DGKG: variants seen among roughly 807,000 people sequenced by gnomAD.
DGKG encodes the protein diacylglycerol kinase gamma, also known as DAG kinase gamma.
In DGKG, 78 loss-of-function variants were observed where a neutral mutation model predicts 105.3. That is an observed-to-expected ratio of 0.74 (90% CI 0.62 to 0.89). DGKG has a LOEUF of 0.89. DGKG is among the 40% of genes least tolerant of loss of function. The pLI, the probability that DGKG is intolerant of heterozygous loss-of-function variation, is 0.00. For missense variants in DGKG, 958 were observed against 1,020.1 expected (o/e 0.94, Z 0.83); for synonymous variants, 346 against 367.1 (o/e 0.94, Z 0.66).
chr3:186,197,783 C>A (rs1295259267), intron 21 of DGKG, among the ~76,000 whole-genome samples: 2 of 152,158 alleles, frequency 1.3e-5, no homozygotes, highest in African/African-American at 2.4e-5. Context: ...GGACTACTTA[C>A]ATTGTTTTCT....
intron 22 of DGKG, among the ~76,000 whole-genome samples, chr3:186,179,840 C>T (rs539497878): frequency 6.6e-6 from 1 of 152,328 alleles, no homozygotes; most frequent in South Asian, 2.1e-4. Context: ...AGCTCCAGTA[C>T]AGGTGGATGC....
In DGKG at chr3:186,149,573, G is replaced by A. The variant is rs1189872093; in HGVS notation, c.*517C>T. On this transcript the variant is annotated 3_prime_UTR_variant, in exon 25 of 25. Coordinates refer to ENST00000265022, the MANE Select transcript of DGKG (RefSeq NM_001346.3). ...CAAGAAACCAACGTGCGCCTGCTGA[G>A]CCCTGCCAAGGATTATGCTCTGAGA... is the stretch of plus-strand genomic sequence containing the variant. 2 of 985,552 alleles carry A rather than the reference G, an allele frequency of 2.0e-6. No homozygotes were observed. The highest frequency in any genetic ancestry group is 3.5e-5 in the African/African-American group (2 of 57,262). The allele number at this position is 985,552 out of a possible 1,614,324, so 61.1% of individuals were successfully genotyped here. A position where few individuals can be genotyped will look rare whatever the true frequency, so the allele number is the denominator to read the frequency against.
chr3:186,158,409 C>T, intron 24 of DGKG: 1 of 983,312 alleles, frequency 1.0e-6, no homozygotes, highest in South Asian at 4.7e-5. Context: ...TTGATCTCCT[C>T]ATAAATCTCT....
chr3:186,327,879 C>A (rs1205923318), intron 1 of DGKG, among the ~76,000 whole-genome samples: 1 of 152,130 alleles, frequency 6.6e-6, no homozygotes, highest in Admixed American at 6.5e-5. Flanking sequence ...CCTTCAGAAG[C>A]CTCCCTTGGC....
At chr3:186,176,983 G>A (rs1717113630) in intron 22 of DGKG, among the ~76,000 whole-genome samples, 1 of 152,176 alleles carries the variant, frequency 6.6e-6, no homozygotes. Context: ...CCTGCTGGGT[G>A]GTTTTTGGGG....
chr3:186,313,021 G>A (rs1220530364), intron 2 of DGKG, among the ~76,000 whole-genome samples: 2 of 152,214 alleles, frequency 1.3e-5, no homozygotes, highest in South Asian at 2.1e-4. Context: ...AATAAATGAA[G>A]GCTAGCAAAG....
At chr3:186,186,185 G>A (rs1578637336) in intron 22 of DGKG, among the ~76,000 whole-genome samples, 1 of 151,504 alleles carries the variant, frequency 6.6e-6, no homozygotes, top group South Asian at 2.1e-4. Context: ...CTGATGACCT[G>A]GCCTGGAATA....
intron 3 of DGKG, among the ~76,000 whole-genome samples, chr3:186,304,624 A>T (rs1375099310): frequency 6.6e-6 from 1 of 152,236 alleles, no homozygotes; most frequent in Non-Finnish European, 1.5e-5. Context: ...TTGAGTTAAA[A>T]ACATTCTGGG....
intron 19 of DGKG, among the ~76,000 whole-genome samples, chr3:186,244,956 G>A (rs1323463663): frequency 2.0e-5 from 3 of 151,944 alleles, no homozygotes; most frequent in Non-Finnish European, 4.4e-5. Flanking sequence ...TCTAAAATTC[G>A]AGAAAATATT....
At chr3:186,162,536 G>C (rs534815931) in intron 23 of DGKG, among the ~76,000 whole-genome samples, 2 of 152,142 alleles carry the variant, frequency 1.3e-5, no homozygotes, top group Non-Finnish European at 2.9e-5. Context: ...CCTCAGTCCT[G>C]GTTTTTGTTT....
At chr3:186,267,298 C>T (rs921355480) in intron 13 of DGKG, among the ~76,000 whole-genome samples, 1 of 152,108 alleles carries the variant, frequency 6.6e-6, no homozygotes, top group Non-Finnish European at 1.5e-5. Flanking sequence ...TCAGGGTACT[C>T]GGGGTGGTCA....
At chr3:186,314,923 A>G (rs1724743092) in intron 2 of DGKG, among the ~76,000 whole-genome samples, 1 of 152,056 alleles carries the variant, frequency 6.6e-6, no homozygotes, top group Non-Finnish European at 1.5e-5. Context: ...TTGAGGCATC[A>G]TGGAACTTTT....
chr3:186,295,743 A>G (rs1560139077), intron 5 of DGKG, among the ~76,000 whole-genome samples: 2 of 150,838 alleles, frequency 1.3e-5, no homozygotes, highest in Non-Finnish European at 3.0e-5. Context: ...TTTCATGGGA[A>G]GAGGATGCCC....
chr3:186,299,919 C>T (rs1322865112), intron 3 of DGKG, among the ~76,000 whole-genome samples: 1 of 151,398 alleles, frequency 6.6e-6, no homozygotes, highest in Non-Finnish European at 1.5e-5. Context: ...ACTGCAACAT[C>T]TACCTCCTTA....
chr3:186,217,847 A>G (rs759741315), intron 20 of DGKG, among the ~76,000 whole-genome samples: 2 of 152,314 alleles, frequency 1.3e-5, no homozygotes, highest in Non-Finnish European at 2.9e-5. Context: ...ACATGAAAAC[A>G]TTTATTTGGG....
chr3:186,174,936 G>A (rs1301259278), intron 22 of DGKG, among the ~76,000 whole-genome samples: 1 of 152,200 alleles, frequency 6.6e-6, no homozygotes, highest in African/African-American at 2.4e-5. Flanking sequence ...TGGCCTTTGA[G>A]TCTGGATAAT....
chr3:186,255,654 C>T (rs763372600), intron 17 of DGKG, among the ~76,000 whole-genome samples: 4 of 152,218 alleles, frequency 2.6e-5, no homozygotes, highest in Admixed American at 6.5e-5. Flanking sequence ...TGCGCAGCAG[C>T]TGGACCACCC....
intron 24 of DGKG, among the ~76,000 whole-genome samples, chr3:186,152,667 CA>C (rs1449040482): frequency 6.6e-6 from 1 of 151,838 alleles, no homozygotes; most frequent in Non-Finnish European, 1.5e-5. Flanking sequence ...CCCTCCCCCA[CA>C]TTTTTTTATT....
chr3:186,356,595 T>C (rs1408597650), intron 1 of DGKG, among the ~76,000 whole-genome samples: 1 of 152,184 alleles, frequency 6.6e-6, no homozygotes, highest in African/African-American at 2.4e-5. Flanking sequence ...GAGGTGGTAA[T>C]TTCAGTCTTC....
Sources: allele counts gnomAD v4.1 joint callset (sites outside exome capture counted in the v4.1 genomes callset), GRCh38; gene constraint gnomAD v4.1.1; transcripts MANE v1.5; gene names NCBI Gene and HGNC (gene_info 2026-07-23, HGNC 2026-07-21).